The following C1QTNF2 variants were observed in gnomAD, a reference collection of about 807,000 sequenced individuals.
C1QTNF2 encodes the protein C1q and TNF related 2.
Under a neutral mutation model 17.4 loss-of-function variants are expected in C1QTNF2, and 15 were observed. That is an observed-to-expected ratio of 0.86 (90% CI 0.58 to 1.33). The LOEUF is 1.33. Among genes scored for constraint, C1QTNF2 ranks in the 40% most tolerant of loss-of-function variants. The pLI, the probability that C1QTNF2 is intolerant of heterozygous loss-of-function variation, is 0.00. For synonymous variants in C1QTNF2, 154 were observed against 163.3 expected (o/e 0.94, Z 0.44); for missense variants, 381 against 392.3 (o/e 0.97, Z 0.24).
At chr5:160,360,028 C>T (rs1305907908) in intron 1 of C1QTNF2, among the ~76,000 whole-genome samples, 1 of 152,140 alleles carries the variant, frequency 6.6e-6, no homozygotes, top group East Asian at 1.9e-4. Context: ...CACGGCTCCA[C>T]CCTCTTGGTT....
chr5:160,351,266 T>C (rs1325940203), intron 2 of C1QTNF2, among the ~76,000 whole-genome samples: 2 of 152,232 alleles, frequency 1.3e-5, no homozygotes, highest in East Asian at 3.8e-4. Context: ...AAAATCAATT[T>C]AGTTTATGTC....
chr5:160,363,163 T>C (rs1430736629), intron 1 of C1QTNF2, among the ~76,000 whole-genome samples: 1 of 152,170 alleles, frequency 6.6e-6, no homozygotes, highest in Non-Finnish European at 1.5e-5. Context: ...AAATCCACTT[T>C]GATGGGAGAA....
chr5:160,349,322 C>T lies in C1QTNF2; in HGVS notation c.704G>A (p.Gly235Asp). 6.2e-7 allele frequency: 1 copy of T among 1,614,056 alleles called. No individual in the cohort carries two copies. Among genetic ancestry groups the T allele is most frequent in the Non-Finnish European group, 8.5e-7 (1 of 1,180,000 alleles). ...CTGCTTGAGAGCCAGGATGGTGGAGCCTGAGGCCACATCGTGGTTGCCGGT... is the reference window on the plus strand; with the variant it reads ...CTGCTTGAGAGCCAGGATGGTGGAGTCTGAGGCCACATCGTGGTTGCCGGT... ...ANTGNHDVAS[G>D]STILALKQGD... The change falls in exon 3 of 3, where the codon GGC becomes GAC. Residue 235 changes from glycine to aspartate, a missense_variant. Gly to Asp is a moderately conservative substitution (Grantham distance 94). Transcript: ENST00000652664. The surrounding 1 kb of genome is among the most constrained non-coding windows in gnomAD (Gnocchi z 4.3).
chr5:160,370,463 C>A (rs1764333875), intron 1 of C1QTNF2, 49 bp downstream of exon 1: 1 of 1,386,950 alleles, frequency 7.2e-7, no homozygotes, highest in Non-Finnish European at 9.3e-7. Context: ...TCCTCCTCCT[C>A]CCCGCGCGCA....
chr5:160,367,030 A>G (rs1299605837), intron 1 of C1QTNF2, among the ~76,000 whole-genome samples: 2 of 151,798 alleles, frequency 1.3e-5, no homozygotes, highest in Non-Finnish European at 2.9e-5. Context: ...TCAAAAAAAA[A>G]AAAAAAAAAG....
At position 160,370,576 on chromosome 5, in the gene C1QTNF2, T is replaced by C; in HGVS notation, c.-74A>G. On this transcript the variant is annotated 5_prime_UTR_variant, in exon 1 of 3. Transcript: ENST00000652664. ...AAGAAGCTCTCGGCGGGGCTCCGCG[T>C]CCCGGCTTTCCTCAGCGGCAGCAGC... The C allele has an allele frequency of 6.9e-7, 1 of 1,449,206 alleles. No individual in the cohort carries two copies. Among genetic ancestry groups the C allele is most frequent in the Non-Finnish European group, 9.0e-7 (1 of 1,108,934 alleles). The allele number at this position is 1,449,206 out of a possible 1,614,324, so 89.8% of individuals were successfully genotyped here.
At chr5:160,350,341 C>T (rs559883038) in intron 2 of C1QTNF2, among the ~76,000 whole-genome samples, 20 of 152,034 alleles carry the variant, frequency 1.3e-4, no homozygotes, top group Non-Finnish European at 2.5e-4. Context: ...AGTAGAGTTA[C>T]GTGTGCTCTA....
intron 2 of C1QTNF2, among the ~76,000 whole-genome samples, chr5:160,350,527 G>A (rs1763897726): frequency 6.6e-6 from 1 of 152,046 alleles, no homozygotes; most frequent in Non-Finnish European, 1.5e-5. Context: ...AATGTAGCCA[G>A]ACAGTCTCTA....
intron 1 of C1QTNF2, among the ~76,000 whole-genome samples, chr5:160,356,590 T>G (rs896171632): frequency 6.6e-6 from 1 of 152,220 alleles, no homozygotes; most frequent in Admixed American, 6.5e-5. Flanking sequence ...CCTTTCAGAC[T>G]TCAATCTGTT....
intron 2 of C1QTNF2, among the ~76,000 whole-genome samples, chr5:160,351,472 C>T (rs1763921165): frequency 6.6e-6 from 1 of 152,216 alleles, no homozygotes; most frequent in Admixed American, 6.5e-5. Flanking sequence ...TTGAGTTAAT[C>T]TGTAATGCAT....
At chr5:160,370,446 GTCC>G (rs766653176) in intron 1 of C1QTNF2, 63 bp downstream of exon 1, 2,151 of 1,349,142 alleles carry the variant, frequency 1.6e-3, no homozygotes, top group South Asian at 2.9e-3. Flanking sequence ...AGCAGTGCGA[GTCC>G]TCCTCCTCCT....
intron 2 of C1QTNF2, among the ~76,000 whole-genome samples, chr5:160,352,440 T>C (rs928971983): frequency 1.3e-5 from 2 of 152,186 alleles, no homozygotes; most frequent in African/African-American, 4.8e-5. Flanking sequence ...CAAGCTTTGT[T>C]TGAGTTACAT....
At chr5:160,355,697 T>C (rs1191694430) in intron 1 of C1QTNF2, among the ~76,000 whole-genome samples, 2 of 152,216 alleles carry the variant, frequency 1.3e-5, no homozygotes, top group African/African-American at 2.4e-5. Context: ...TGTGTCTACA[T>C]CACGCTTTTC....
rs993329359 is a variant in C1QTNF2, at chr5:160,351,824, G to C, written c.245-2043C>G. On this transcript the variant is annotated intron_variant, in intron 2 of 2. Coordinates refer to ENST00000652664, the MANE Select transcript of C1QTNF2 (RefSeq NM_031908.6). ...AAAGAATGGGAAAAAATAAAACTCA[G>C]AAAAGTCACAAAGCTATTTCTTGAA... Among the ~76,000 whole-genome samples the C allele has an allele frequency of 2.0e-5, 3 of 146,752 alleles. No individual in the cohort carries two copies. The Admixed American group carries it at 2.0e-4, about 10-fold the overall frequency.
chr5:160,353,088 C>A (rs1763956373), intron 2 of C1QTNF2, among the ~76,000 whole-genome samples: 3 of 152,092 alleles, frequency 2.0e-5, no homozygotes, highest in South Asian at 2.1e-4. Flanking sequence ...CACGTTCTTG[C>A]GAGGATGACA....
intron 1 of C1QTNF2, among the ~76,000 whole-genome samples, chr5:160,358,115 T>C (rs1366371278): frequency 2.0e-5 from 3 of 152,212 alleles, no homozygotes; most frequent in Non-Finnish European, 4.4e-5. Flanking sequence ...GAAGGGTGTG[T>C]GTCTGAGACA....
At chr5:160,350,773 C>T (rs569347735) in intron 2 of C1QTNF2, among the ~76,000 whole-genome samples, 4 of 138,450 alleles carry the variant, frequency 2.9e-5, no homozygotes, top group East Asian at 2.0e-4. Flanking sequence ...TTTTTTGAGA[C>T]GGAATCTTGC....
chr5:160,355,119 T>G lies in C1QTNF2; in HGVS notation c.-9-99A>C, dbSNP rs181818629. ...ACAGGAGGAGGCAGCTGGGATACAC[T>G]CAGTTGGATTTCTGTCTCTTGCTCT... is the stretch of plus-strand genomic sequence containing the variant. On this transcript the variant is annotated intron_variant, in intron 1 of 2. Transcript: ENST00000652664. 12 of 1,431,838 alleles carry G rather than the reference T, an allele frequency of 8.4e-6. No homozygotes were observed. The East Asian group carries it at 2.8e-4, about 33-fold the overall frequency. 88.7% of individuals were successfully genotyped at this position (1,431,838 alleles called of 1,614,324 possible).
intron 1 of C1QTNF2, among the ~76,000 whole-genome samples, chr5:160,367,825 A>G (rs1764274128): frequency 6.6e-6 from 1 of 152,204 alleles, no homozygotes; most frequent in Non-Finnish European, 1.5e-5. Context: ...AGTCTCTGTC[A>G]GTATCTGGGT....
Sources: gnomAD v4.1 joint callset for allele counts (sites outside exome capture counted in the v4.1 genomes callset) on GRCh38, gnomAD v4.1.1 for gene constraint, Gnocchi (gnomAD v3.1) non-coding constraint, MANE v1.5 for transcripts, NCBI Gene and HGNC (gene_info 2026-07-23, HGNC 2026-07-21) for gene names.